The following UGT8 variants were observed in gnomAD, a reference collection of about 807,000 sequenced individuals.
UGT8 encodes the protein UDP glycosyltransferase 8, also known as 2-hydroxyacylsphingosine 1-beta-galactosyltransferase.
UGT8 carries 12 observed loss-of-function variants against 40.5 expected under a neutral mutation model. The observed-to-expected ratio is 0.30, with a 90% CI of 0.19 to 0.48. The LOEUF (loss-of-function observed/expected upper bound fraction) is 0.48, where lower values mean the gene tolerates loss of function less well. Among genes scored for constraint, UGT8 ranks in the 20% least tolerant of loss-of-function variants. The probability of loss-of-function intolerance (pLI) is 0.99; values close to 1 mark genes in which losing one functional copy is unlikely to be tolerated. For missense variants in UGT8, 513 were observed against 648.7 expected, an observed-to-expected ratio of 0.79 and a Z score of 2.27; for synonymous variants, 224 against 240.4, an observed-to-expected ratio of 0.93 and a Z score of 0.63.
Position 114,655,871 on chromosome 4 carries a change from A to T in UGT8, c.823-8124A>T, listed in dbSNP as rs1446658110. 2.0e-5 allele frequency among the ~76,000 whole-genome samples: 3 copies of T among 152,044 alleles called. No individual in the cohort carries two copies. The East Asian group carries it at 5.8e-4, about 29-fold the overall frequency. On this transcript the variant is annotated intron_variant, in intron 2 of 5. Transcript: ENST00000310836. ...GAATTATCAGTGGCCTTTATTTGCT[A>T]TGTCTTTAGGCTCCTTCTTGAACAC...
At chr4:114,649,485 G>A (rs1387013673) in intron 2 of UGT8, among the ~76,000 whole-genome samples, 1 of 152,212 alleles carries the variant, frequency 6.6e-6, no homozygotes, top group Non-Finnish European at 1.5e-5. Flanking sequence ...GAGATAAGCA[G>A]TCCAGGGTGG....
intron 1 of UGT8, among the ~76,000 whole-genome samples, chr4:114,621,196 C>T (rs1028452699): frequency 6.6e-6 from 1 of 152,150 alleles, no homozygotes; most frequent in Non-Finnish European, 1.5e-5. Context: ...TACAGGCATC[C>T]TCTGACTTGA....
chr4:114,658,064 T>C (rs1734293971), intron 2 of UGT8, among the ~76,000 whole-genome samples: 1 of 152,232 alleles, frequency 6.6e-6, no homozygotes, highest in Non-Finnish European at 1.5e-5. Flanking sequence ...TGGTTAACTA[T>C]ATTAGCAGTA....
intron 2 of UGT8, among the ~76,000 whole-genome samples, chr4:114,655,536 A>T (rs1009739372): frequency 3.9e-5 from 6 of 152,028 alleles, no homozygotes; most frequent in African/African-American, 1.4e-4. Flanking sequence ...TTTCTTTTGT[A>T]ATATAACAAT....
intron 2 of UGT8, among the ~76,000 whole-genome samples, chr4:114,660,336 T>C (rs1490968290): frequency 6.6e-6 from 1 of 152,184 alleles, no homozygotes; most frequent in Non-Finnish European, 1.5e-5. Context: ...ATAGACAATA[T>C]GAAAACAGAC....
chr4:114,668,381 G>A, intron 5 of UGT8, 77 bp downstream of exon 5: 1 of 1,168,674 alleles, frequency 8.6e-7, no homozygotes, highest in Non-Finnish European at 1.2e-6. Flanking sequence ...ATTTTCAATA[G>A]ATTGTCAATA....
At chr4:114,604,074 G>C (rs1730593512) in intron 1 of UGT8, among the ~76,000 whole-genome samples, 1 of 152,166 alleles carries the variant, frequency 6.6e-6, no homozygotes, top group Non-Finnish European at 1.5e-5. Context: ...GTTGCCTCAA[G>C]AGCGTTGCAG....
intron 2 of UGT8, among the ~76,000 whole-genome samples, chr4:114,655,644 A>T (rs1040600657): frequency 5.3e-5 from 8 of 152,058 alleles, no homozygotes; most frequent in African/African-American, 1.9e-4. Flanking sequence ...TGACAATAAG[A>T]TTTCTATATG....
chr4:114,675,091 T>C (rs1165446499), intron 5 of UGT8, among the ~76,000 whole-genome samples: 1 of 152,218 alleles, frequency 6.6e-6, no homozygotes, highest in East Asian at 1.9e-4. Context: ...CTTCATGGTG[T>C]TTCCCAACTC....
At chr4:114,636,265 C>A (rs1732880428) in intron 2 of UGT8, among the ~76,000 whole-genome samples, 1 of 152,144 alleles carries the variant, frequency 6.6e-6, no homozygotes, top group Non-Finnish European at 1.5e-5. Flanking sequence ...GGGAATAAGG[C>A]CTCAAAAGGT....
intron 5 of UGT8, among the ~76,000 whole-genome samples, chr4:114,672,323 A>T (rs1305919956): frequency 6.6e-6 from 1 of 152,234 alleles, no homozygotes; most frequent in Non-Finnish European, 1.5e-5. Context: ...TACTGGGTAT[A>T]TACTCAAAGG....
intron 1 of UGT8, among the ~76,000 whole-genome samples, chr4:114,605,290 C>T (rs1412811198): frequency 6.6e-6 from 1 of 152,124 alleles, no homozygotes; most frequent in Non-Finnish European, 1.5e-5. Context: ...ATAGTAGGAA[C>T]ATTTCAGAGA....
At chr4:114,666,111 TAAAAC>T (rs1734862009) in intron 4 of UGT8, among the ~76,000 whole-genome samples, 1 of 152,094 alleles carries the variant, frequency 6.6e-6, no homozygotes, top group Admixed American at 6.5e-5. Flanking sequence ...GTAGAACAGT[TAAAAC>T]AATAAGAATG....
At chr4:114,604,997 A>G (rs140482195) in intron 1 of UGT8, among the ~76,000 whole-genome samples, 50 of 151,876 alleles carry the variant, frequency 3.3e-4, no homozygotes, top group African/African-American at 1.2e-3. Context: ...GGTGATTTTC[A>G]GTTTAGGATT....
At position 114,620,526 on chromosome 4, in the gene UGT8, CTTGTAA is replaced by C. The variant is rs1434476420; in HGVS notation, c.-2-2347_-2-2342del. Among the ~76,000 whole-genome samples the C allele has an allele frequency of 2.6e-5, 4 of 152,284 alleles. No homozygotes were observed. The East Asian group carries it at 7.7e-4, about 29-fold the overall frequency. On this transcript the variant is annotated intron_variant, in intron 1 of 5. Transcript: ENST00000310836. ...TCCTTAATTTTCTTTCTTCACTGATCTTGTAATTGTAGTCAACTTTACTATAGAATC... is the reference window on the plus strand; with the variant it reads ...TCCTTAATTTTCTTTCTTCACTGATCTTGTAGTCAACTTTACTATAGAATC...
chr4:114,627,939 G>T (rs1732339651), intron 2 of UGT8, among the ~76,000 whole-genome samples: 1 of 152,124 alleles, frequency 6.6e-6, no homozygotes, highest in South Asian at 2.1e-4. Context: ...TAACCTGAGT[G>T]CCTGAAAAAT....
chr4:114,638,284 A>G (rs1009509818), intron 2 of UGT8, among the ~76,000 whole-genome samples: 2 of 152,168 alleles, frequency 1.3e-5, no homozygotes, highest in Admixed American at 1.3e-4. Flanking sequence ...AAGTGCTATG[A>G]AGGAAAGCAT....
chr4:114,674,491 T>C (rs6815181), intron 5 of UGT8, among the ~76,000 whole-genome samples: 133,976 of 152,162 alleles, frequency 0.88, 60,691 homozygotes, highest in East Asian at 1. Flanking sequence ...GTCTTTTTAA[T>C]GGACTTTCCA....
intron 1 of UGT8, among the ~76,000 whole-genome samples, chr4:114,619,691 A>G (rs1009500701): frequency 1.3e-5 from 2 of 151,912 alleles, no homozygotes; most frequent in African/African-American, 2.4e-5. Flanking sequence ...TGAATGAATG[A>G]CAGTGTATTT....
Sources: gnomAD v4.1 joint callset for allele counts (sites outside exome capture counted in the v4.1 genomes callset) on GRCh38, gnomAD v4.1.1 for gene constraint, MANE v1.5 for transcripts, NCBI Gene and HGNC (gene_info 2026-07-23, HGNC 2026-07-21) for gene names.